Variants in SNRNP70 observed in about 807,000 individuals in gnomAD.
SNRNP70 encodes the protein small nuclear ribonucleoprotein U1 subunit 70.
SNRNP70 carries 8 observed loss-of-function variants against 50.5 expected under a neutral mutation model. The observed-to-expected ratio is 0.16, with a 90% CI of 0.09 to 0.29. SNRNP70 has a LOEUF of 0.29. Among genes scored for constraint, SNRNP70 ranks in the 10% least tolerant of loss-of-function variants. The pLI, the probability that SNRNP70 is intolerant of heterozygous loss-of-function variation, is 1.00. For synonymous variants in SNRNP70, 320 were observed against 252.9 expected, an observed-to-expected ratio of 1.27 and a Z score of -2.52; for missense variants, 529 against 663.5, an observed-to-expected ratio of 0.80 and a Z score of 2.23.
Position 49,104,747 on chromosome 19 carries a change from C to T in SNRNP70, c.577+12C>T. On this transcript the variant is annotated intron_variant, in intron 8 of 9. Coordinates refer to ENST00000598441, the MANE Select transcript of SNRNP70 (RefSeq NM_003089.6). This position sits in a 1 kb window ranked among gnomAD's most constrained non-coding sequence, Gnocchi z 5.4. The stretch of plus-strand genomic sequence containing the variant: ...GCCCCGGCGGCTAGGTGAGCACATC[C>T]TGCCTTCGACGGGCTCTCGGGGGCC... The T allele has an allele frequency of 6.6e-7, 1 of 1,521,558 alleles. No individual in the cohort carries two copies. Among genetic ancestry groups the T allele is most frequent in the South Asian group, 1.2e-5 (1 of 81,778 alleles). The allele number at this position is 1,521,558 out of a possible 1,614,324, so 94.3% of individuals were successfully genotyped here.
Position 49,096,494 on chromosome 19 carries a change from G to A in SNRNP70, c.266-1933G>A, listed in dbSNP as rs374122169. Among the ~76,000 whole-genome samples the A allele has an allele frequency of 5.9e-5, 9 of 152,170 alleles. No homozygotes were observed. In the East Asian group the frequency reaches 1.2e-3, roughly 20 times the overall value. ...TCTAAAATATTCTTAGGCCAGGTGC[G>A]GTGGCTCACGCCTGTAATGCCAGCA... On this transcript the variant is annotated intron_variant, in intron 4 of 9. Transcript: ENST00000598441.
intron 7 of SNRNP70, chr19:49,102,516 C>A: frequency 4.3e-6 from 1 of 234,444 alleles, no homozygotes; most frequent in Non-Finnish European, 8.9e-6. Context: ...CAGGCCAGGG[C>A]TCCACTGGAG....
intron 6 of SNRNP70, 22 bp from the exon 7 acceptor site, chr19:49,101,368 C>T (rs2040583406): frequency 1.2e-6 from 2 of 1,602,574 alleles, no homozygotes; most frequent in South Asian, 2.2e-5. Flanking sequence ...AGGACTCACC[C>T]CTGTCCCCAT....
At chr19:49,090,721 G>T in intron 4 of SNRNP70, 1 of 599,716 alleles carries the variant, frequency 1.7e-6, no homozygotes, top group South Asian at 2.0e-5. Context: ...GGTAAAAGTT[G>T]GCAGGAAGGG....
chr19:49,105,588 G>A (rs954261431), intron 8 of SNRNP70, among the ~76,000 whole-genome samples: 3 of 152,112 alleles, frequency 2.0e-5, no homozygotes, highest in Non-Finnish European at 4.4e-5. Context: ...TTAACTGGGC[G>A]TGGTGGCGGG....
intron 2 of SNRNP70, among the ~76,000 whole-genome samples, chr19:49,088,481 G>C (rs890321650): frequency 7.1e-6 from 1 of 141,312 alleles, no homozygotes; most frequent in Admixed American, 7.2e-5. Flanking sequence ...TTACAGACGT[G>C]AGCCACCGCA....
chr19:49,104,583 G>A lies in SNRNP70; in HGVS notation c.476-51G>A. ...TGTAGAGCTGGGCCTGTCCTGACTA[G>A]AGGACCCTCTGGGGACTCCTCTCCC... On this transcript the variant is annotated intron_variant, in intron 7 of 9. Transcript: ENST00000598441. This position sits in a 1 kb window ranked among gnomAD's most constrained non-coding sequence, Gnocchi z 5.4. The A allele has an allele frequency of 7.1e-7, 1 of 1,405,954 alleles. No individual in the cohort carries two copies. Among genetic ancestry groups the A allele is most frequent in the Non-Finnish European group, 9.8e-7 (1 of 1,015,550 alleles). 87.1% of individuals were successfully genotyped at this position (1,405,954 alleles called of 1,614,324 possible). A position where few individuals can be genotyped will look rare whatever the true frequency, so the allele number is the denominator to read the frequency against.
intron 1 of SNRNP70, 63 bp downstream of exon 1, chr19:49,085,699 T>C (rs2040368412): frequency 2.2e-6 from 1 of 453,634 alleles, no homozygotes; most frequent in Non-Finnish European, 4.4e-6. Flanking sequence ...GCCCCAGCGG[T>C]GGGCCCGGTC....
At position 49,099,594 on chromosome 19, in the gene SNRNP70, C is replaced by T. The variant is rs147561678; in HGVS notation, c.393+890C>T. ...AAAAAAAAAAAAATACAAAAATTAG[C>T]TGGGCATGATAGCGGGCGCCCGTAA... is the stretch of plus-strand genomic sequence containing the variant. On this transcript the variant is annotated intron_variant, in intron 6 of 9. Coordinates refer to ENST00000598441, the MANE Select transcript of SNRNP70 (RefSeq NM_003089.6). 9.9e-5 allele frequency among the ~76,000 whole-genome samples: 15 copies of T among 151,132 alleles called. No individual in the cohort carries two copies. In the South Asian group the frequency reaches 3.1e-3, roughly 32 times the overall value.
intron 4 of SNRNP70, among the ~76,000 whole-genome samples, chr19:49,093,858 AAAAAC>A (rs1223428957): frequency 1.3e-5 from 2 of 149,142 alleles, no homozygotes; most frequent in Non-Finnish European, 3.0e-5. Context: ...AAACAAAAAC[AAAAAC>A]AAAACAAAAC....
intron 2 of SNRNP70, among the ~76,000 whole-genome samples, chr19:49,090,010 G>C (rs1402986858): frequency 6.6e-6 from 1 of 151,980 alleles, no homozygotes; most frequent in African/African-American, 2.4e-5. Context: ...GTGTTTCACT[G>C]TGTTGTCCCA....
At position 49,107,803 on chromosome 19, in the gene SNRNP70, C is replaced by T. The variant is rs752017331; in HGVS notation, c.674C>T (p.Pro225Leu). Residue 225 changes from proline (P) to leucine (L), a missense_variant, in exon 10 of 10, where the codon CCC (proline) becomes CTC (leucine). Coordinates refer to ENST00000598441, the MANE Select transcript of SNRNP70 (RefSeq NM_003089.6). The surrounding 1 kb of genome is among the most constrained non-coding windows in gnomAD (Gnocchi z 6.0). ...CTGCCCACCTCATCCAGGCCCGGCC[C>T]CTCCCCGCTTCCGCACAGGGACCGG... Reference protein sequence around the residue: ...DTSRYDERPGPSPLPHRDRDR... With the variant: ...DTSRYDERPGLSPLPHRDRDR... 2 of 1,603,778 alleles carry T rather than the reference C, an allele frequency of 1.2e-6. No homozygotes were observed. Among genetic ancestry groups the T allele is most frequent in the Non-Finnish European group, 1.7e-6 (2 of 1,175,676 alleles).
At chr19:49,098,202 C>T (rs781534076) in intron 4 of SNRNP70, among the ~76,000 whole-genome samples, 6 of 152,188 alleles carry the variant, frequency 3.9e-5, no homozygotes, top group Non-Finnish European at 8.8e-5. Context: ...CTCTCCTCAG[C>T]AGCCTGGATT....
chr19:49,103,285 C>T (rs1159518168), intron 7 of SNRNP70: 1 of 152,508 alleles, frequency 6.6e-6, no homozygotes, highest in Non-Finnish European at 1.5e-5. Flanking sequence ...CTCCCCCACT[C>T]TAAGGCCTCC....
At chr19:49,102,430 G>C in intron 7 of SNRNP70, 1 of 286,272 alleles carries the variant, frequency 3.5e-6, no homozygotes, top group Non-Finnish European at 7.2e-6. Flanking sequence ...CTCTCCGCTT[G>C]GGTTCCACCC....
At chr19:49,097,904 T>TTCCTGGCTCTC (rs2040532841) in intron 4 of SNRNP70, among the ~76,000 whole-genome samples, 2 of 152,188 alleles carry the variant, frequency 1.3e-5, no homozygotes, top group Admixed American at 6.5e-5. Flanking sequence ...AGAGCTTACT[T>TTCCTGGCTCTC]AGTGTTTGCT....
rs192185848 is a variant in SNRNP70, at chr19:49,098,148, T to C, written c.266-279T>C. The stretch of plus-strand genomic sequence containing the variant: ...GGTTTATGTAGGTCTGAAATGGCAG[T>C]TGGGCCTGCCCACATCCTGTCAGCT... On this transcript the variant is annotated intron_variant, in intron 4 of 9. Transcript: ENST00000598441. 4.9e-3 allele frequency among the ~76,000 whole-genome samples: 744 copies of C among 152,304 alleles called. 8 individuals are homozygous for C. The highest frequency in any genetic ancestry group is 0.017 in the Middle Eastern group (5 of 294).
chr19:49,098,648 G>A lies in SNRNP70; in HGVS notation c.337G>A (p.Asp113Asn). 1 of 1,613,964 alleles carries A rather than the reference G, an allele frequency of 6.2e-7. No homozygotes were observed. Among genetic ancestry groups the A allele is most frequent in the Non-Finnish European group, 8.5e-7 (1 of 1,179,866 alleles). ...KTLFVARVNY[D>N]TTESKLRREF... ...CATATCCATCTCCTTGTAGAATTAT[G>A]ACACAACAGAATCCAAGCTCCGGAG... The change falls in exon 6 of 10, where the codon GAC (aspartate) becomes AAC (asparagine). Residue 113 changes from aspartate (D) to asparagine (N), a missense_variant. Transcript: ENST00000598441.
At chr19:49,102,950 C>G (rs950785370) in intron 7 of SNRNP70, 1 of 152,666 alleles carries the variant, frequency 6.6e-6, no homozygotes, top group Non-Finnish European at 1.5e-5. Flanking sequence ...CTTCGCTTGA[C>G]TTTGATCCTG....
Sources: gnomAD v4.1 joint callset for allele counts (sites outside exome capture counted in the v4.1 genomes callset) on GRCh38, gnomAD v4.1.1 for gene constraint, Gnocchi (gnomAD v3.1) non-coding constraint, MANE v1.5 for transcripts, NCBI Gene and HGNC (gene_info 2026-07-23, HGNC 2026-07-21) for gene names.